Variants in GRM5 observed in about 807,000 individuals in gnomAD.
GRM5 encodes glutamate metabotropic receptor 5.
Under a neutral mutation model 83.1 loss-of-function variants are expected in GRM5, and 19 were observed. The observed-to-expected ratio is 0.23, with a 90% confidence interval of 0.16 to 0.34. The LOEUF is 0.34. Ranked by LOEUF, GRM5 falls within the 10% of genes least tolerant of loss-of-function variation. The pLI, the probability that GRM5 is intolerant of heterozygous loss-of-function variation, is 1.00. For synonymous variants in GRM5, 675 were observed against 633.6 expected, an observed-to-expected ratio of 1.07 and a Z score of -0.98; for missense variants, 1,160 against 1,588.3, an observed-to-expected ratio of 0.73 and a Z score of 4.58.
intron 2 of GRM5, among the ~76,000 whole-genome samples, chr11:88,872,924 G>T (rs1453808038): frequency 1.6e-5 from 2 of 123,288 alleles, no homozygotes; most frequent in African/African-American, 3.0e-5. Context: ...AAGGCTGAAT[G>T]AATTAAAAAA....
At chr11:88,960,109 G>C (rs1003794291) in intron 2 of GRM5, among the ~76,000 whole-genome samples, 2 of 152,192 alleles carry the variant, frequency 1.3e-5, no homozygotes, top group Admixed American at 1.3e-4. Context: ...CTTGTGCTTA[G>C]AATGTTTGAG....
chr11:88,714,470 G>C (rs1406075013), intron 3 of GRM5, among the ~76,000 whole-genome samples: 1 of 151,956 alleles, frequency 6.6e-6, no homozygotes, highest in Non-Finnish European at 1.5e-5. Flanking sequence ...TATTGTGGTA[G>C]AGACATTGTT....
intron 3 of GRM5, among the ~76,000 whole-genome samples, chr11:88,768,429 C>T (rs1333273122): frequency 2.0e-5 from 3 of 151,798 alleles, no homozygotes; most frequent in Middle Eastern, 3.4e-3. Context: ...TGGTGGTTAC[C>T]AGACGCTGGT....
intron 2 of GRM5, among the ~76,000 whole-genome samples, chr11:89,018,735 G>A (rs1940915302): frequency 6.6e-6 from 1 of 151,982 alleles, no homozygotes; most frequent in Admixed American, 6.6e-5. Context: ...TTACATAAAA[G>A]GTTAGGCTTC....
intron 2 of GRM5, among the ~76,000 whole-genome samples, chr11:88,990,783 G>T (rs1400569472): frequency 6.6e-6 from 1 of 151,586 alleles, no homozygotes; most frequent in Non-Finnish European, 1.5e-5. Context: ...CTCAATAGAT[G>T]CAGAAAAGGC....
At chr11:88,886,077 T>G (rs575033337) in intron 2 of GRM5, among the ~76,000 whole-genome samples, 1 of 152,340 alleles carries the variant, frequency 6.6e-6, no homozygotes, top group East Asian at 1.9e-4. Context: ...CCTGTATAAA[T>G]CAGACACTGC....
intron 2 of GRM5, among the ~76,000 whole-genome samples, chr11:88,900,820 G>A (rs1163478689): frequency 1.3e-5 from 2 of 152,118 alleles, no homozygotes; most frequent in African/African-American, 2.4e-5. Flanking sequence ...CTGTCCCGCA[G>A]TACAGAGAAG....
chr11:88,759,912 A>T (rs1338860995), intron 3 of GRM5, among the ~76,000 whole-genome samples: 1 of 152,156 alleles, frequency 6.6e-6, no homozygotes, highest in Non-Finnish European at 1.5e-5. Context: ...AGAAATCAAG[A>T]CTAAGAAATG....
intron 8 of GRM5, among the ~76,000 whole-genome samples, chr11:88,551,670 G>A (rs3889712): frequency 0.27 from 40,818 of 152,018 alleles, 6,104 homozygotes; most frequent in African/African-American, 0.39. Flanking sequence ...TAGTTTAGCC[G>A]CTCACTGCCT....
At chr11:88,930,448 G>A (rs1419895574) in intron 2 of GRM5, among the ~76,000 whole-genome samples, 1 of 152,042 alleles carries the variant, frequency 6.6e-6, no homozygotes, top group Admixed American at 6.6e-5. Context: ...TAAATTATCT[G>A]ATGCATTATT....
chr11:89,006,754 C>A lies in GRM5; in HGVS notation c.661+40458G>T, dbSNP rs146562214. Among the ~76,000 whole-genome samples, 39 of 152,266 alleles carry A rather than the reference C, an allele frequency of 2.6e-4. No individual in the cohort carries two copies. In the East Asian group the frequency reaches 7.5e-3, roughly 29 times the overall value. On this transcript the variant is annotated intron_variant, in intron 2 of 9. Coordinates refer to ENST00000305447, the MANE Select transcript of GRM5 (RefSeq NM_001143831.3). ...TGTCCTTGTCCTCCTCTTTCTCCCACTTTGCCTATATAATTTCAAATCTTT... is the reference window on the plus strand; with the variant it reads ...TGTCCTTGTCCTCCTCTTTCTCCCAATTTGCCTATATAATTTCAAATCTTT...
intron 7 of GRM5, among the ~76,000 whole-genome samples, chr11:88,569,334 G>A (rs998908754): frequency 1.1e-4 from 17 of 152,316 alleles, no homozygotes; most frequent in African/African-American, 4.1e-4. Flanking sequence ...AAGTAATCTG[G>A]AGCATTGGGC....
At chr11:89,059,360 G>T (rs1381576088) in intron 1 of GRM5, among the ~76,000 whole-genome samples, 1 of 152,070 alleles carries the variant, frequency 6.6e-6, no homozygotes, top group Non-Finnish European at 1.5e-5. Context: ...TCAAGCATTT[G>T]CATGTTTATT....
At chr11:88,626,275 A>G (rs909100969) in intron 4 of GRM5, among the ~76,000 whole-genome samples, 5 of 152,236 alleles carry the variant, frequency 3.3e-5, no homozygotes, top group African/African-American at 1.2e-4. Context: ...ACATTCTTAA[A>G]CGTTGCTTTT....
intron 4 of GRM5, among the ~76,000 whole-genome samples, chr11:88,630,903 T>C (rs771900155): frequency 2.0e-5 from 3 of 152,164 alleles, no homozygotes; most frequent in Non-Finnish European, 4.4e-5. Context: ...TAAGTCAAGA[T>C]CTTTCACATC....
intron 2 of GRM5, among the ~76,000 whole-genome samples, chr11:88,959,437 T>C (rs986733379): frequency 2.6e-5 from 4 of 151,770 alleles, no homozygotes; most frequent in Middle Eastern, 3.4e-3. Context: ...AATATAAACA[T>C]ATTATAATTA....
chr11:89,049,859 T>C (rs1941721356), intron 1 of GRM5, among the ~76,000 whole-genome samples: 1 of 152,206 alleles, frequency 6.6e-6, no homozygotes, highest in African/African-American at 2.4e-5. Flanking sequence ...TTACCAAACC[T>C]TTCTTTCACT....
intron 3 of GRM5, among the ~76,000 whole-genome samples, chr11:88,778,245 G>A (rs767342633): frequency 1.4e-4 from 21 of 152,370 alleles, no homozygotes; most frequent in East Asian, 3.9e-4. Context: ...CTCCATGGGC[G>A]TGCGACCTGC....
chr11:88,908,728 G>T lies in GRM5; in HGVS notation c.662-58573C>A, dbSNP rs150883715. 3.7e-3 allele frequency among the ~76,000 whole-genome samples: 562 copies of T among 152,156 alleles called. 2 individuals carry two copies. Among genetic ancestry groups the T allele is most frequent in the African/African-American group, 0.013 (535 of 41,516 alleles). Reference sequence around the variant, plus strand: ...TCTCTCTCTGACTGACATGAATTATGATTTCCTCATTATTCGACTGTGAAA... The same window carrying T: ...TCTCTCTCTGACTGACATGAATTATTATTTCCTCATTATTCGACTGTGAAA... On this transcript the variant is annotated intron_variant, in intron 2 of 9. Transcript: ENST00000305447.
Sources: gnomAD v4.1 joint callset for allele counts (sites outside exome capture counted in the v4.1 genomes callset) on GRCh38, gnomAD v4.1.1 for gene constraint, MANE v1.5 for transcripts, NCBI Gene and HGNC (gene_info 2026-07-23, HGNC 2026-07-21) for gene names.